TENM1: variants seen among roughly 807,000 people sequenced by gnomAD.
The protein encoded by TENM1 is teneurin-1.
A neutral mutation model predicts 174.8 loss-of-function variants in TENM1; 35 were observed. That is an observed-to-expected ratio of 0.20 (90% CI 0.15 to 0.27). TENM1 has a LOEUF of 0.27. Ranked by LOEUF, TENM1 falls within the 10% of genes least tolerant of loss-of-function variation. TENM1 has a pLI of 1.00. For missense variants in TENM1, 1,633 were observed against 2,130.1 expected, an observed-to-expected ratio of 0.77 and a Z score of 4.59; for synonymous variants, 781 against 798.7, an observed-to-expected ratio of 0.98 and a Z score of 0.37.
At chrX:124,583,413 C>A (rs1294979927) in intron 11 of TENM1, among the ~76,000 whole-genome samples, 8 of 111,931 alleles carry the variant, frequency 7.1e-5, no homozygotes, top group African/African-American at 2.6e-4. Flanking sequence ...GCTGCTGGTA[C>A]CCAGGCAAAC....
chrX:125,193,521 T>C, the TENM1 span, among the ~76,000 whole-genome samples: 1 of 111,634 alleles, frequency 9.0e-6, no homozygotes, highest in African/African-American at 3.3e-5. Context: ...TTGCGTCCGG[T>C]GTATTAGGTA....
At chrX:124,831,373 C>T (rs1020389837) in intron 3 of TENM1, among the ~76,000 whole-genome samples, 27 of 111,780 alleles carry the variant, frequency 2.4e-4, no homozygotes, top group African/African-American at 4.6e-4. Context: ...TGATGAGAAA[C>T]GGTACTCAAT....
At chrX:124,405,820 T>A (rs1053333066) in intron 26 of TENM1, among the ~76,000 whole-genome samples, 2 of 111,107 alleles carry the variant, frequency 1.8e-5, no homozygotes, top group African/African-American at 3.3e-5. Context: ...ACATTCCAAA[T>A]CCTATCTCCC....
intron 8 of TENM1, among the ~76,000 whole-genome samples, chrX:124,650,200 CAAAAAAAA>C (rs755570562): frequency 4.0e-5 from 1 of 24,864 alleles, no homozygotes; most frequent in East Asian, 1.7e-3. Flanking sequence ...AAACTGTCTC[CAAAAAAAA>C]AAAAAAAAAA....
chrX:125,071,308 C>T, the TENM1 span, among the ~76,000 whole-genome samples: 152 of 111,802 alleles, frequency 1.4e-3, 1 homozygote, highest in Non-Finnish European at 2.6e-3. Context: ...GGTGACTAAG[C>T]AAGCCTTTAT....
the TENM1 span, among the ~76,000 whole-genome samples, chrX:125,068,439 A>G: frequency 1.4e-3 from 157 of 112,226 alleles, 1 homozygote; most frequent in African/African-American, 5.0e-3. Flanking sequence ...ATTAGGTAAC[A>G]TTCCATAAAA....
chrX:125,006,750 A>G, the TENM1 span, among the ~76,000 whole-genome samples: 1 of 111,609 alleles, frequency 9.0e-6, no homozygotes, highest in African/African-American at 3.3e-5. Flanking sequence ...CACCCAGCAA[A>G]TTGTAGCAGA....
At chrX:124,914,867 A>T (rs781160119) in intron 1 of TENM1, among the ~76,000 whole-genome samples, 27 of 111,713 alleles carry the variant, frequency 2.4e-4, no homozygotes, top group African/African-American at 8.5e-4. Flanking sequence ...GTATATTCCC[A>T]TTACATTTAG....
chrX:124,951,968 G>A (rs2058496007), intron 1 of TENM1, among the ~76,000 whole-genome samples: 1 of 109,945 alleles, frequency 9.1e-6, no homozygotes, highest in Admixed American at 9.8e-5. Context: ...TTGCAGATTC[G>A]AAAGAACACA....
intron 1 of TENM1, among the ~76,000 whole-genome samples, chrX:124,900,794 T>C (rs1470894580): frequency 1.8e-5 from 2 of 108,141 alleles, no homozygotes; most frequent in Non-Finnish European, 3.8e-5. Context: ...TCTTCTTCTT[T>C]TTTTTTTTTT....
chrX:125,042,132 T>C, the TENM1 span, among the ~76,000 whole-genome samples: 1 of 111,678 alleles, frequency 9.0e-6, no homozygotes, highest in Non-Finnish European at 1.9e-5. Context: ...ATGACTTCAG[T>C]GCTCTTAGAG....
intron 1 of TENM1, among the ~76,000 whole-genome samples, chrX:124,899,060 C>T (rs771810907): frequency 1.3e-4 from 14 of 111,272 alleles, no homozygotes; most frequent in Admixed American, 1.2e-3. Flanking sequence ...ATTTCCTTTT[C>T]TTGAAATCAA....
intron 3 of TENM1, among the ~76,000 whole-genome samples, chrX:124,770,011 G>T (rs2054618731): frequency 8.9e-6 from 1 of 112,007 alleles, no homozygotes; most frequent in Non-Finnish European, 1.9e-5. Context: ...TCGAAGTCCA[G>T]ATGAGTAAAG....
At position 124,755,861 on chromosome X, in the gene TENM1, G is replaced by C. The variant is rs201713165; in HGVS notation, c.536-18664C>G. On this transcript the variant is annotated intron_variant, in intron 3 of 31. Transcript: ENST00000422452. ...TAGAGTTTCTGCCGAGAGATCTGCT[G>C]TTAGTCTGATGGGCTTCCCTTTGTG... Among the ~76,000 whole-genome samples, 105 of 108,254 alleles carry C rather than the reference G, an allele frequency of 9.7e-4. 1 individual carries two copies. The East Asian group carries it at 0.029, about 30-fold the overall frequency. The allele number at this position is 108,254 out of a possible 115,157, so 94.0% of individuals were successfully genotyped here.
chrX:125,062,981 C>T, the TENM1 span, among the ~76,000 whole-genome samples: 1 of 112,509 alleles, frequency 8.9e-6, no homozygotes, highest in African/African-American at 3.2e-5. Context: ...GCACAATTAA[C>T]ACACAAATGA....
chrX:124,656,180 A>G (rs964417555), intron 6 of TENM1, among the ~76,000 whole-genome samples: 2 of 112,548 alleles, frequency 1.8e-5, no homozygotes, highest in Non-Finnish European at 3.8e-5. Context: ...GTCATTTTTT[A>G]AAAATCTGAA....
chrX:124,399,897 G>A (rs1321466300), intron 27 of TENM1, among the ~76,000 whole-genome samples: 2 of 111,415 alleles, frequency 1.8e-5, no homozygotes, highest in Non-Finnish European at 3.8e-5. Flanking sequence ...GCTTGAGCCC[G>A]GGAGTTAGAG....
At chrX:125,106,411 C>CTT in the TENM1 span, among the ~76,000 whole-genome samples, 30 of 98,378 alleles carry the variant, frequency 3.0e-4, no homozygotes, top group Middle Eastern at 5.5e-3. Context: ...TTTTGAATAA[C>CTT]TTTTTTTTTT....
intron 3 of TENM1, among the ~76,000 whole-genome samples, chrX:124,851,911 A>T (rs1415942293): frequency 3.6e-5 from 4 of 111,468 alleles, no homozygotes; most frequent in African/African-American, 1.3e-4. Flanking sequence ...TGTTTTTTTC[A>T]TAGAGATAAA....
Sources: allele counts gnomAD v4.1 joint callset (sites outside exome capture counted in the v4.1 genomes callset), GRCh38; gene constraint gnomAD v4.1.1; transcripts MANE v1.5; gene names NCBI Gene and HGNC (gene_info 2026-07-23, HGNC 2026-07-21).